SLC4A5: variants seen among roughly 807,000 people sequenced by gnomAD.
The protein encoded by SLC4A5 is solute carrier family 4 member 5.
Under a neutral mutation model 120.4 loss-of-function variants are expected in SLC4A5, and 96 were observed. That is an observed-to-expected ratio of 0.80 (90% CI 0.68 to 0.94). The LOEUF is 0.94. Among genes scored for constraint, SLC4A5 ranks in the 40% least tolerant of loss-of-function variants. The probability of loss-of-function intolerance (pLI) is 0.00; values close to 1 mark genes in which losing one functional copy is unlikely to be tolerated. For synonymous variants in SLC4A5, 550 were observed against 571.1 expected (o/e 0.96, Z 0.53); for missense variants, 1,259 against 1,459.5 (o/e 0.86, Z 2.24).
intron 4 of SLC4A5, among the ~76,000 whole-genome samples, chr2:74,328,588 T>C (rs1673275337): frequency 1.3e-5 from 2 of 152,198 alleles, no homozygotes; most frequent in African/African-American, 2.4e-5. Context: ...ATCTCAAGGT[T>C]GCCCACTTTA....
At chr2:74,322,188 G>GA (rs56951215) in intron 5 of SLC4A5, among the ~76,000 whole-genome samples, 6,864 of 138,472 alleles carry the variant, frequency 0.05, 471 homozygotes, top group African/African-American at 0.16. Context: ...CCTGTTATCT[G>GA]AAAAAAAAAA....
At chr2:74,324,962 G>C (rs1673185488) in intron 5 of SLC4A5, among the ~76,000 whole-genome samples, 1 of 152,194 alleles carries the variant, frequency 6.6e-6, no homozygotes, top group Non-Finnish European at 1.5e-5. Flanking sequence ...ATGGAGGGAA[G>C]CATTCAAGAA....
At chr2:74,312,763 T>C (rs1672846671) in intron 6 of SLC4A5, among the ~76,000 whole-genome samples, 1 of 151,930 alleles carries the variant, frequency 6.6e-6, no homozygotes, top group African/African-American at 2.4e-5. Context: ...CGAAATCTCA[T>C]CTCTACTAAA....
Position 74,298,212 on chromosome 2 carries a change from G to T in SLC4A5, c.271+6277C>A, listed in dbSNP as rs148484988. 3.6e-3 allele frequency among the ~76,000 whole-genome samples: 546 copies of T among 152,270 alleles called. 3 individuals carry two copies. The highest frequency in any genetic ancestry group is 0.012 in the African/African-American group (501 of 41,540). ...TAGTAATCTAAACAGTATGGTACTG[G>T]CATTAAGACAGGCACGTGGACCAAG... On this transcript the variant is annotated intron_variant, in intron 7 of 30. Coordinates refer to ENST00000394019, the Ensembl canonical transcript of SLC4A5.
intron 6 of SLC4A5, among the ~76,000 whole-genome samples, chr2:74,312,393 C>A (rs962965644): frequency 4.6e-5 from 7 of 151,884 alleles, no homozygotes; most frequent in African/African-American, 1.2e-4. Context: ...CCATGCCTGG[C>A]TAATTTATGT....
intron 19 of SLC4A5, among the ~76,000 whole-genome samples, chr2:74,245,854 T>C (rs1670593376): frequency 1.3e-5 from 2 of 152,232 alleles, no homozygotes; most frequent in Admixed American, 6.5e-5. Context: ...TATCCACTTA[T>C]TTCCTTCAAC....
At chr2:74,262,176 C>A (rs1234634605) in exon 11 of SLC4A5, 2 of 1,613,976 alleles carry the variant, frequency 1.2e-6, no homozygotes, top group South Asian at 2.2e-5. Flanking sequence ...ATCCGCAGGT[C>A]TTCCGTGGAG....
At chr2:74,297,014 C>G (rs1371862914) in intron 7 of SLC4A5, among the ~76,000 whole-genome samples, 6 of 152,132 alleles carry the variant, frequency 3.9e-5, no homozygotes, top group African/African-American at 9.7e-5. Flanking sequence ...AAGCCTTTCT[C>G]TCCTTTACTT....
chr2:74,338,184 G>A (rs149723295), intron 3 of SLC4A5, among the ~76,000 whole-genome samples: 2 of 152,288 alleles, frequency 1.3e-5, no homozygotes, highest in East Asian at 3.9e-4. Flanking sequence ...TTTGACCATA[G>A]GCATAGGAGG....
chr2:74,330,868 A>AGCT (rs112214057), intron 4 of SLC4A5, among the ~76,000 whole-genome samples: 3 of 14,824 alleles, frequency 2.0e-4, no homozygotes, highest in South Asian at 3.4e-3. Flanking sequence ...GGTGAGGTAT[A>AGCT]GGAGGTGGTG....
At chr2:74,264,944 A>G (rs889140313) in intron 9 of SLC4A5, among the ~76,000 whole-genome samples, 160 bp downstream of exon 9, 3 of 152,142 alleles carry the variant, frequency 2.0e-5, no homozygotes, top group African/African-American at 7.2e-5. Context: ...TGGAGTGACT[A>G]TGATCCTGCC....
intron 6 of SLC4A5, among the ~76,000 whole-genome samples, chr2:74,309,716 C>T (rs566432795): frequency 7.1e-4 from 107 of 149,858 alleles, no homozygotes; most frequent in African/African-American, 2.5e-3. Flanking sequence ...AGTGTAGTGG[C>T]GCCATCTCAG....
chr2:74,293,330 C>T (rs1248038777), intron 7 of SLC4A5, among the ~76,000 whole-genome samples: 3 of 152,120 alleles, frequency 2.0e-5, no homozygotes, highest in Non-Finnish European at 4.4e-5. Flanking sequence ...GGGTGGGTGG[C>T]TTTGGAATGT....
intron 29 of SLC4A5, among the ~76,000 whole-genome samples, chr2:74,221,711 G>A (rs1217339802): frequency 6.6e-6 from 1 of 152,178 alleles, no homozygotes; most frequent in Non-Finnish European, 1.5e-5. Context: ...TGTGAGGCAT[G>A]GGAGGGCCAG....
chr2:74,222,902 T>A, exon 29 of SLC4A5: 1 of 1,613,864 alleles, frequency 6.2e-7, no homozygotes, highest in East Asian at 2.2e-5. Context: ...GGGGATCTGA[T>A]TGGACACTTT....
chr2:74,241,342 C>T (rs1353132047), intron 20 of SLC4A5, among the ~76,000 whole-genome samples: 1 of 151,172 alleles, frequency 6.6e-6, no homozygotes, highest in Non-Finnish European at 1.5e-5. Context: ...CTTGGCTCAC[C>T]ACAACCTCTG....
chr2:74,261,622 C>T (rs928247602), intron 11 of SLC4A5, among the ~76,000 whole-genome samples: 2 of 152,188 alleles, frequency 1.3e-5, no homozygotes, highest in East Asian at 3.8e-4. Context: ...TAAAACCTGT[C>T]TGTCACCTCT....
intron 8 of SLC4A5, among the ~76,000 whole-genome samples, chr2:74,267,558 C>T (rs1338732323): frequency 6.6e-6 from 1 of 152,206 alleles, no homozygotes; most frequent in African/African-American, 2.4e-5. Context: ...TGTGTGTGCA[C>T]ACATGTGTCT....
chr2:74,333,184 T>C (rs980285603), intron 4 of SLC4A5, among the ~76,000 whole-genome samples: 1 of 152,148 alleles, frequency 6.6e-6, no homozygotes, highest in African/African-American at 2.4e-5. Flanking sequence ...CTCTAGTGGG[T>C]AGTGGTCAGA....
Sources: allele counts gnomAD v4.1 joint callset (sites outside exome capture counted in the v4.1 genomes callset), GRCh38; gene constraint gnomAD v4.1.1; transcripts MANE v1.5; gene names NCBI Gene and HGNC (gene_info 2026-07-23, HGNC 2026-07-21).